The following PDZD2 variants were observed in gnomAD, a reference collection of about 807,000 sequenced individuals.
PDZD2 encodes the protein PDZ domain-containing protein 2.
In PDZD2, 90 loss-of-function variants were observed where a neutral mutation model predicts 220.7. That is an observed-to-expected ratio of 0.41 (90% CI 0.34 to 0.49). PDZD2 has a LOEUF of 0.49. Among genes scored for constraint, PDZD2 ranks in the 20% least tolerant of loss-of-function variants. The pLI is 0.28. For synonymous variants in PDZD2, 1,375 were observed against 1,450.5 expected, an observed-to-expected ratio of 0.95 and a Z score of 1.18; for missense variants, 3,174 against 3,608.5, an observed-to-expected ratio of 0.88 and a Z score of 3.08.
chr5:31,686,667 A>AAT lies in PDZD2; in HGVS notation c.-361+47239_-361+47240dup, dbSNP rs1439109513. Among the ~76,000 whole-genome samples the AAT allele has an allele frequency of 2.0e-5, 3 of 152,292 alleles. No homozygotes were observed. In the East Asian group the frequency reaches 5.8e-4, roughly 29 times the overall value. On this transcript the variant is annotated intron_variant, in intron 1 of 24. Transcript: ENST00000438447. ...CAGGCGTGAGCCACCGTGCCTGGCCAATATATATATTTCTTACCGAATATC... is the reference window on the plus strand; with the variant it reads ...CAGGCGTGAGCCACCGTGCCTGGCCAATATATATATATTTCTTACCGAATATC...
intron 1 of PDZD2, among the ~76,000 whole-genome samples, chr5:31,687,073 C>CA (rs1344521478): frequency 6.9e-6 from 1 of 145,744 alleles, no homozygotes; most frequent in Non-Finnish European, 1.5e-5. Context: ...TAAAAAGAGG[C>CA]AAAATGATAC....
chr5:31,794,546 G>A lies in PDZD2; in HGVS notation c.-360-4343G>A, dbSNP rs562262321. Among the ~76,000 whole-genome samples the A allele has an allele frequency of 4.3e-3, 658 of 151,616 alleles. 7 individuals are homozygous for A. Among genetic ancestry groups the A allele is most frequent in the African/African-American group, 0.016 (645 of 41,342 alleles). The stretch of plus-strand genomic sequence containing the variant: ...CTCCCGAGTAGCTGGGACTACGGGC[G>A]CCCACCACCACTCCCGGCTAATTTT... On this transcript the variant is annotated intron_variant, in intron 1 of 24. Coordinates refer to ENST00000438447, the MANE Select transcript of PDZD2 (RefSeq NM_178140.4).
intron 2 of PDZD2, among the ~76,000 whole-genome samples, chr5:31,937,634 T>A (rs4867402): frequency 0.14 from 21,253 of 152,230 alleles, 1,573 homozygotes; most frequent in South Asian, 0.24. Context: ...TCCGTGTGAT[T>A]TCTCAGCATT....
At chr5:31,794,889 T>C (rs966992613) in intron 1 of PDZD2, among the ~76,000 whole-genome samples, 2 of 152,170 alleles carry the variant, frequency 1.3e-5, no homozygotes, top group Non-Finnish European at 1.5e-5. Context: ...GGAGAACGTC[T>C]AGAATCCAGG....
chr5:31,686,278 T>C (rs1022014181), intron 1 of PDZD2, among the ~76,000 whole-genome samples: 2 of 152,142 alleles, frequency 1.3e-5, no homozygotes, highest in African/African-American at 2.4e-5. Context: ...TATTTCTTCA[T>C]TGATAGTTTT....
In PDZD2 at chr5:31,980,960, A is replaced by C. The variant is rs575951562; in HGVS notation, c.477-2195A>C. Among the ~76,000 whole-genome samples the C allele has an allele frequency of 7.9e-5, 12 of 152,000 alleles. 1 individual carries two copies. Among genetic ancestry groups the C allele is most frequent in the Non-Finnish European group, 1.8e-4 (12 of 68,016 alleles). ...CACCATGCCTGTGGTTAACTTTTGT[A>C]TTTTTAGTAGAGACGAGGTTTCACC... On this transcript the variant is annotated intron_variant, in intron 2 of 24. Transcript: ENST00000438447.
rs141112221 is a variant in PDZD2, at chr5:32,063,693, A to G, written c.2451+2559A>G. Among the ~76,000 whole-genome samples, 249 of 152,368 alleles carry G rather than the reference A, an allele frequency of 1.6e-3. 1 individual carries two copies. Among genetic ancestry groups the G allele is most frequent in the Non-Finnish European group, 2.8e-3 (190 of 68,036 alleles). Reference sequence around the variant, plus strand: ...AGTGCCAACATACCAGGGATACACAATTAATTAGAATGTATCTCAAGAAAC... The same window carrying G: ...AGTGCCAACATACCAGGGATACACAGTTAATTAGAATGTATCTCAAGAAAC... On this transcript the variant is annotated intron_variant, in intron 14 of 24. Transcript: ENST00000438447.
chr5:31,908,650 A>G (rs1469769375), intron 2 of PDZD2: 2 of 1,158,666 alleles, frequency 1.7e-6, no homozygotes, highest in Admixed American at 1.8e-5. Context: ...GATATCAAAG[A>G]CAAACTTGAA....
intron 6 of PDZD2, among the ~76,000 whole-genome samples, chr5:32,026,295 C>T (rs7713066): frequency 0.021 from 3,255 of 152,208 alleles, 123 homozygotes; most frequent in African/African-American, 0.072. Context: ...TGCCACCACA[C>T]CCAGCTAGAT....
chr5:31,831,746 C>T (rs1391796754), intron 2 of PDZD2, among the ~76,000 whole-genome samples: 1 of 142,396 alleles, frequency 7.0e-6, no homozygotes, highest in Non-Finnish European at 1.5e-5. Flanking sequence ...GACTCCATCT[C>T]AGAAAAAAAA....
intron 3 of PDZD2, among the ~76,000 whole-genome samples, chr5:31,993,369 C>G (rs1751381742): frequency 6.6e-6 from 1 of 152,156 alleles, no homozygotes; most frequent in South Asian, 2.1e-4. Flanking sequence ...GGAGCCCCAC[C>G]GAACAGCACG....
rs67976907 is a variant in PDZD2 at position 32,110,045 on chromosome 5, T to TATTGATTG, written c.*1915_*1922dup. On this transcript the variant is annotated 3_prime_UTR_variant, in exon 25 of 25. Transcript: ENST00000438447. ...GCAAGGTGCATGCTTGATTGATAGA[T>TATTGATTG]ATTGATTGATTGTTTTTCAGTCTCT... is the stretch of plus-strand genomic sequence containing the variant. The TATTGATTG allele has an allele frequency of 6.6e-6, 1 of 151,782 alleles. No homozygotes were observed. Among genetic ancestry groups the TATTGATTG allele is most frequent in the East Asian group, 1.9e-4 (1 of 5,158 alleles). 9.4% of individuals were successfully genotyped at this position (151,782 alleles called of 1,614,324 possible). A position where few individuals can be genotyped will look rare whatever the true frequency, so the allele number is the denominator to read the frequency against.
rs1240051739 is a variant in PDZD2, at chr5:31,670,307, T to C, written c.-361+30870T>C. Among the ~76,000 whole-genome samples, 8 of 152,246 alleles carry C rather than the reference T, an allele frequency of 5.3e-5. No individual in the cohort carries two copies. The East Asian group carries it at 1.5e-3, about 29-fold the overall frequency. ...GGATTTTTCAGTCATATCAGGACTT[T>C]AGTTTGACTTCCACAAATACTTTTG... On this transcript the variant is annotated intron_variant, in intron 1 of 24. Coordinates refer to ENST00000438447, the MANE Select transcript of PDZD2 (RefSeq NM_178140.4).
At chr5:31,926,611 C>T (rs1019748791) in intron 2 of PDZD2, among the ~76,000 whole-genome samples, 1 of 151,344 alleles carries the variant, frequency 6.6e-6, no homozygotes, top group African/African-American at 2.4e-5. Flanking sequence ...TGCTTATACA[C>T]TGTTGGTGTG....
At chr5:31,863,640 G>T (rs1737925767) in intron 2 of PDZD2, among the ~76,000 whole-genome samples, 1 of 152,170 alleles carries the variant, frequency 6.6e-6, no homozygotes. Context: ...TGGGGATAGG[G>T]GATGACGGAA....
At position 32,069,604 on chromosome 5, in the gene PDZD2, C is replaced by A. The variant is rs746954051; in HGVS notation, c.2487C>A (p.Arg829=). The stretch of plus-strand genomic sequence containing the variant: ...AGGAAATGGATGAAGTCATAGCACG[C>A]AGCACTTATCAGGAGAGCAAAGAGG... ...SEQEMDEVIA[R]STYQESKEAN... Residue 829 remains arginine, a synonymous_variant, in exon 15 of 25, where the codon CGC becomes CGA. Coordinates refer to ENST00000438447, the MANE Select transcript of PDZD2 (RefSeq NM_178140.4). The A allele has an allele frequency of 1.2e-6, 2 of 1,600,116 alleles. No homozygotes were observed. Among genetic ancestry groups the A allele is most frequent in the Non-Finnish European group, 1.7e-6 (2 of 1,167,162 alleles).
chr5:32,057,176 G>C (rs114836508), intron 10 of PDZD2, among the ~76,000 whole-genome samples: 2,928 of 152,204 alleles, frequency 0.019, 89 homozygotes, highest in African/African-American at 0.066. Context: ...GCAAGTTTTT[G>C]TTATCATTAA....
At chr5:31,778,565 C>A (rs1752856791) in intron 1 of PDZD2, among the ~76,000 whole-genome samples, 1 of 152,152 alleles carries the variant, frequency 6.6e-6, no homozygotes, top group Admixed American at 6.5e-5. Flanking sequence ...TGAAGGTCTG[C>A]AGCTTCACTC....
intron 2 of PDZD2, among the ~76,000 whole-genome samples, chr5:31,826,031 CT>C (rs369228053): frequency 7.5e-4 from 114 of 152,116 alleles, no homozygotes; most frequent in African/African-American, 2.6e-3. Context: ...CAATGTACTC[CT>C]TTTTAATTAG....
Sources: gnomAD v4.1 joint callset for allele counts (sites outside exome capture counted in the v4.1 genomes callset) on GRCh38, gnomAD v4.1.1 for gene constraint, MANE v1.5 for transcripts, NCBI Gene and HGNC (gene_info 2026-07-23, HGNC 2026-07-21) for gene names.